The following B3GALNT2 variants were observed in gnomAD, a reference collection of about 807,000 sequenced individuals.
B3GALNT2 encodes UDP-GalNAc:beta-1,3-N-acetylgalactosaminyltransferase 2.
A neutral mutation model predicts 61.1 loss-of-function variants in B3GALNT2; 53 were observed. The observed-to-expected ratio is 0.87, with a 90% CI of 0.70 to 1.09. The LOEUF is 1.09. Among genes scored for constraint, B3GALNT2 ranks in the 50% least tolerant of loss-of-function variants. The probability of loss-of-function intolerance (pLI) is 0.00; values close to 1 mark genes in which losing one functional copy is unlikely to be tolerated. For synonymous variants in B3GALNT2, 223 were observed against 237.4 expected, an observed-to-expected ratio of 0.94 and a Z score of 0.56; for missense variants, 544 against 623.0, an observed-to-expected ratio of 0.87 and a Z score of 1.35.
At chr1:235,487,771 G>C (rs1239087331) in intron 3 of B3GALNT2, among the ~76,000 whole-genome samples, 2 of 152,108 alleles carry the variant, frequency 1.3e-5, no homozygotes, top group African/African-American at 2.4e-5. Context: ...AACCTAGTTA[G>C]GATCAGCTTT....
chr1:235,484,058 G>C (rs1457870320), intron 4 of B3GALNT2, among the ~76,000 whole-genome samples: 1 of 151,978 alleles, frequency 6.6e-6, no homozygotes, highest in Non-Finnish European at 1.5e-5. Context: ...AATTCCCTAG[G>C]TTTTAGGGAA....
chr1:235,494,874 C>T (rs116818562), intron 1 of B3GALNT2, 46 bp from the exon 2 acceptor site: 1 of 1,478,152 alleles, frequency 6.8e-7, no homozygotes, highest in South Asian at 1.2e-5. Flanking sequence ...GTATCAATTA[C>T]TATGAAGTTC....
At chr1:235,461,823 C>T (rs1329782035) in intron 7 of B3GALNT2, among the ~76,000 whole-genome samples, 1 of 152,138 alleles carries the variant, frequency 6.6e-6, no homozygotes, top group East Asian at 1.9e-4. Flanking sequence ...GCCTGACCTC[C>T]TGTTTAGACT....
At chr1:235,451,809 A>G (rs1479962893) in intron 11 of B3GALNT2, 2 of 152,190 alleles carry the variant, frequency 1.3e-5, no homozygotes, top group Non-Finnish European at 2.9e-5. Context: ...CCAGAACAGA[A>G]ATCTCTGAAG....
rs143182814 is a variant in B3GALNT2, at chr1:235,495,833, A to T, written c.113-1005T>A. On this transcript the variant is annotated intron_variant, in intron 1 of 11. Transcript: ENST00000366600. ...CAGACTCTTTACTATATTAAATGCA[A>T]TGTTTTTATATACCATGGGATCTAG... 7.4e-3 allele frequency among the ~76,000 whole-genome samples: 1,120 copies of T among 152,274 alleles called. 5 individuals are homozygous for T. The highest frequency in any genetic ancestry group is 0.014 in the Middle Eastern group (4 of 294).
downstream of B3GALNT2, among the ~76,000 whole-genome samples, chr1:235,444,032 A>G (rs1682075683): frequency 6.6e-6 from 1 of 152,240 alleles, no homozygotes. Flanking sequence ...AATAAATGAA[A>G]TACACATCAG....
intron 6 of B3GALNT2, among the ~76,000 whole-genome samples, chr1:235,469,703 C>T (rs1683891424): frequency 6.6e-6 from 1 of 151,378 alleles, no homozygotes; most frequent in African/African-American, 2.4e-5. Flanking sequence ...CAGGCATGCA[C>T]CACCAGGCCC....
intron 5 of B3GALNT2, among the ~76,000 whole-genome samples, chr1:235,473,979 A>G (rs564073447): frequency 6.6e-6 from 1 of 152,322 alleles, no homozygotes; most frequent in African/African-American, 2.4e-5. Flanking sequence ...AACAAATTCA[A>G]TGAATAATTG....
chr1:235,458,506 G>C, intron 8 of B3GALNT2, 97 bp downstream of exon 8: 1 of 1,435,568 alleles, frequency 7.0e-7, no homozygotes, highest in South Asian at 1.6e-5. Flanking sequence ...GAAACCCCTA[G>C]TAAGGGGTTT....
chr1:235,442,757 A>G, downstream of B3GALNT2: 84 of 1,063,522 alleles, frequency 7.9e-5, no homozygotes, highest in Non-Finnish European at 1.1e-4. Context: ...TGCACTGAAT[A>G]CCTCTATCAT....
At chr1:235,493,477 A>G (rs576285353) in intron 2 of B3GALNT2, among the ~76,000 whole-genome samples, 1 of 152,150 alleles carries the variant, frequency 6.6e-6, no homozygotes, top group Non-Finnish European at 1.5e-5. Context: ...ACTACTAGTG[A>G]CAAGAAAATT....
At chr1:235,489,062 TAAAATAAA>T in intron 3 of B3GALNT2, 98 bp downstream of exon 3, 1 of 1,362,450 alleles carries the variant, frequency 7.3e-7, no homozygotes, top group Non-Finnish European at 9.6e-7. Context: ...AAACACATAA[TAAAATAAA>T]ATAATAAAAA....
In B3GALNT2 at chr1:235,449,186, TA is replaced by T. The variant is rs914275566; in HGVS notation, c.*1019del. ...GTTGGTCATTTTGGGAAATGTCCCT[TA>T]AACTTGGGGAGACATCCTCTACTAT... On this transcript the variant is annotated 3_prime_UTR_variant, in exon 12 of 12. Transcript: ENST00000366600. The T allele has an allele frequency of 1.6e-5, 4 of 248,126 alleles. No individual in the cohort carries two copies. The highest frequency in any genetic ancestry group is 3.2e-5 in the Non-Finnish European group (4 of 126,420). 15.4% of individuals were successfully genotyped at this position (248,126 alleles called of 1,614,324 possible).
At chr1:235,472,577 G>C (rs1170509079) in intron 5 of B3GALNT2, among the ~76,000 whole-genome samples, 1 of 152,082 alleles carries the variant, frequency 6.6e-6, no homozygotes, top group Non-Finnish European at 1.5e-5. Flanking sequence ...CAAACACCTT[G>C]AGAACAGGAA....
intron 7 of B3GALNT2, chr1:235,465,241 G>C (rs1350241331): frequency 1.3e-5 from 2 of 159,404 alleles, no homozygotes; most frequent in African/African-American, 4.8e-5. Context: ...TAAAAAAGAA[G>C]TACTGATACA....
rs1266172654 is a variant in B3GALNT2 at position 235,448,884 on chromosome 1, A to ATAAC, written c.*1318_*1321dup. 1 of 754,880 alleles carries ATAAC rather than the reference A, an allele frequency of 1.3e-6. No homozygotes were observed. The highest frequency in any genetic ancestry group is 2.3e-6 in the Non-Finnish European group (1 of 435,430). 46.8% of individuals were successfully genotyped at this position (754,880 alleles called of 1,614,324 possible). A position where few individuals can be genotyped will look rare whatever the true frequency, so the allele number is the denominator to read the frequency against. ...AGGGGGTTTACAACTTGTCCTAAGTATAACAAGGGATGTATTTTTTGTTGG... is the reference window on the plus strand; with the variant it reads ...AGGGGGTTTACAACTTGTCCTAAGTATAACTAACAAGGGATGTATTTTTTGTTGG... On this transcript the variant is annotated 3_prime_UTR_variant, in exon 12 of 12. Transcript: ENST00000366600.
intron 5 of B3GALNT2, among the ~76,000 whole-genome samples, chr1:235,474,987 A>ATATATAT (rs1180244284): frequency 2.2e-4 from 8 of 35,576 alleles, no homozygotes; most frequent in Admixed American, 1.0e-3. Flanking sequence ...ATATATATAT[A>ATATATAT]TTTTTTTTTT....
intron 7 of B3GALNT2, among the ~76,000 whole-genome samples, chr1:235,463,280 C>T (rs1683516762): frequency 1.3e-5 from 2 of 152,274 alleles, no homozygotes; most frequent in South Asian, 4.1e-4. Flanking sequence ...ACAGTGTACA[C>T]TGCTTGGGTG....
intron 1 of B3GALNT2, among the ~76,000 whole-genome samples, chr1:235,502,506 T>C (rs1460859193): frequency 2.0e-5 from 3 of 152,222 alleles, no homozygotes; most frequent in African/African-American, 7.2e-5. Context: ...ATAACTAGTA[T>C]TGATCTTCTT....
Sources: allele counts gnomAD v4.1 joint callset (sites outside exome capture counted in the v4.1 genomes callset), GRCh38; gene constraint gnomAD v4.1.1; transcripts MANE v1.5; gene names NCBI Gene and HGNC (gene_info 2026-07-23, HGNC 2026-07-21).